KHDRBS2: variants seen among roughly 807,000 people sequenced by gnomAD.
The protein encoded by KHDRBS2 is KH RNA binding domain containing, signal transduction associated 2.
In KHDRBS2, 26 loss-of-function variants were observed where a neutral mutation model predicts 44.3. The ratio of observed to expected loss-of-function variants is 0.59; its 90% CI spans 0.43 to 0.81. The LOEUF is 0.81. KHDRBS2 is among the 40% of genes least tolerant of loss of function. The probability of loss-of-function intolerance (pLI) is 0.00; values close to 1 mark genes in which losing one functional copy is unlikely to be tolerated. For synonymous variants in KHDRBS2, 194 were observed against 151.1 expected (o/e 1.28, Z -2.08); for missense variants, 476 against 433.1 (o/e 1.10, Z -0.88).
In KHDRBS2 at chr6:61,741,077, C is replaced by G. The variant is rs998052774; in HGVS notation, c.811-8313G>C. Among the ~76,000 whole-genome samples, 3 of 151,832 alleles carry G rather than the reference C, an allele frequency of 2.0e-5. No individual in the cohort carries two copies. The South Asian group carries it at 6.2e-4, about 31-fold the overall frequency. The stretch of plus-strand genomic sequence containing the variant: ...GGAAGACCCCATTTAAAAAAATCAG[C>G]CTTGAATTTACCCAAAAGATATTAT... On this transcript the variant is annotated intron_variant, in intron 6 of 8. Coordinates refer to ENST00000281156, the MANE Select transcript of KHDRBS2 (RefSeq NM_152688.4).
At chr6:61,857,300 A>C (rs1443855327) in intron 6 of KHDRBS2, among the ~76,000 whole-genome samples, 5 of 152,102 alleles carry the variant, frequency 3.3e-5, no homozygotes, top group African/African-American at 9.6e-5. Flanking sequence ...AAAAGTTGAC[A>C]GGATGATTAA....
At position 62,177,224 on chromosome 6, in the gene KHDRBS2, G is replaced by A. The variant is rs1821313149; in HGVS notation, c.180C>T (p.Leu60=). ...TGACAGGAATCAGTACTCTTTCTGA[G>A]AGCTTTATGTTTTTGTTGCTGATGA... ...LDVISNKNIK[L]SERVLIPVKQ... is the part of the protein sequence containing the mutation. The change falls in exon 2 of 9, where the codon CTC becomes CTT. Residue 60 remains leucine (L), a synonymous_variant. Coordinates refer to ENST00000281156, the MANE Select transcript of KHDRBS2 (RefSeq NM_152688.4). 6.3e-7 allele frequency: 1 copy of A among 1,593,928 alleles called. No homozygotes were observed. Among genetic ancestry groups the A allele is most frequent in the Non-Finnish European group, 8.6e-7 (1 of 1,163,884 alleles).
intron 1 of KHDRBS2, among the ~76,000 whole-genome samples, chr6:62,228,867 T>A (rs1832383605): frequency 6.6e-6 from 1 of 152,244 alleles, no homozygotes; most frequent in South Asian, 2.1e-4. Context: ...AGCAAAGAGG[T>A]GTGCCGCTCC....
rs540043038 is a variant in KHDRBS2 at position 61,955,004 on chromosome 6, A to G, written c.483+23062T>C. 2.8e-5 allele frequency among the ~76,000 whole-genome samples: 4 copies of G among 144,156 alleles called. No individual in the cohort carries two copies. In the East Asian group the frequency reaches 8.6e-4, roughly 31 times the overall value. 94.6% of individuals were successfully genotyped at this position (144,156 alleles called of 152,430 possible). A position where few individuals can be genotyped will look rare whatever the true frequency, so the allele number is the denominator to read the frequency against. On this transcript the variant is annotated intron_variant, in intron 4 of 8. Transcript: ENST00000281156. The stretch of plus-strand genomic sequence containing the variant: ...TATGTGTATACATATATAGACATAC[A>G]TATGTATGTATACACACATACATAT...
At chr6:61,573,623 C>G in the KHDRBS2 span, among the ~76,000 whole-genome samples, 13 of 152,032 alleles carry the variant, frequency 8.6e-5, no homozygotes, top group Non-Finnish European at 1.8e-4. Flanking sequence ...AACCCTGTCT[C>G]TACTAAAAAT....
At chr6:61,617,007 T>C in the KHDRBS2 span, among the ~76,000 whole-genome samples, 4 of 152,166 alleles carry the variant, frequency 2.6e-5, no homozygotes, top group East Asian at 3.9e-4. Context: ...ATGTGGAACA[T>C]TGGAATGAGA....
chr6:62,049,174 G>A (rs1456086316), intron 2 of KHDRBS2, among the ~76,000 whole-genome samples: 2 of 151,714 alleles, frequency 1.3e-5, no homozygotes, highest in African/African-American at 4.8e-5. Context: ...ATGGTATAAT[G>A]CCCAAAAAGA....
intron 4 of KHDRBS2, among the ~76,000 whole-genome samples, chr6:61,918,872 G>A (rs1178423716): frequency 6.6e-6 from 1 of 151,950 alleles, no homozygotes; most frequent in Non-Finnish European, 1.5e-5. Context: ...TTGAGACTAA[G>A]TAAGCAAATT....
chr6:61,548,555 A>G, the KHDRBS2 span, among the ~76,000 whole-genome samples: 1 of 152,148 alleles, frequency 6.6e-6, no homozygotes, highest in African/African-American at 2.4e-5. Flanking sequence ...CCTTGCAGAT[A>G]ACATTATCCA....
chr6:62,062,254 A>T, intron 2 of KHDRBS2, among the ~76,000 whole-genome samples: 1 of 148,822 alleles, frequency 6.7e-6, no homozygotes, highest in Non-Finnish European at 1.5e-5. Context: ...CCAGGAATTG[A>T]ACTCAGCTCT....
At chr6:62,103,444 T>A (rs1802370335) in intron 2 of KHDRBS2, among the ~76,000 whole-genome samples, 1 of 152,176 alleles carries the variant, frequency 6.6e-6, no homozygotes, top group Non-Finnish European at 1.5e-5. Flanking sequence ...GTGCCTGGGC[T>A]TGGTCACAAT....
At chr6:61,788,940 G>A (rs1052367112) in intron 6 of KHDRBS2, among the ~76,000 whole-genome samples, 6 of 151,128 alleles carry the variant, frequency 4.0e-5, no homozygotes, top group Non-Finnish European at 7.4e-5. Flanking sequence ...GATACAATAG[G>A]CTGAAAGTGT....
chr6:62,048,279 T>C (rs1011800891), intron 2 of KHDRBS2, among the ~76,000 whole-genome samples: 2 of 151,896 alleles, frequency 1.3e-5, no homozygotes, highest in Admixed American at 1.3e-4. Context: ...ATCAAATGAA[T>C]CATTTATTAA....
chr6:62,257,272 TC>T (rs539497333), intron 1 of KHDRBS2, among the ~76,000 whole-genome samples: 27 of 152,192 alleles, frequency 1.8e-4, no homozygotes, highest in Non-Finnish European at 3.7e-4. Flanking sequence ...TATCATCAAC[TC>T]TATTAGTGGG....
chr6:61,574,086 G>A, the KHDRBS2 span, among the ~76,000 whole-genome samples: 3 of 152,102 alleles, frequency 2.0e-5, no homozygotes, highest in Non-Finnish European at 4.4e-5. Flanking sequence ...CAAGCCATAT[G>A]TAAAAAAATG....
At position 62,265,558 on chromosome 6, in the gene KHDRBS2, G is replaced by A. The variant is rs368901349; in HGVS notation, c.91+20300C>T. ...TAAAAAGTTAAAGCTAATTGAGGAA[G>A]GATTAAGAAAATGAATCAGCTAAGT... On this transcript the variant is annotated intron_variant, in intron 1 of 8. Transcript: ENST00000281156. 2.0e-3 allele frequency among the ~76,000 whole-genome samples: 307 copies of A among 152,068 alleles called. 10 individuals are homozygous for A. In the South Asian group the frequency reaches 0.06, roughly 30 times the overall value.
At chr6:62,227,146 A>G (rs879826537) in intron 1 of KHDRBS2, among the ~76,000 whole-genome samples, 1 of 152,182 alleles carries the variant, frequency 6.6e-6, no homozygotes, top group Admixed American at 6.5e-5. Context: ...GATTCTTCCT[A>G]TCCATAAGGA....
At chr6:61,974,813 C>T (rs1252773492) in intron 4 of KHDRBS2, among the ~76,000 whole-genome samples, 7 of 151,946 alleles carry the variant, frequency 4.6e-5, no homozygotes, top group Non-Finnish European at 1.0e-4. Flanking sequence ...TGCCTGTAAT[C>T]TCAGCTACTC....
intron 3 of KHDRBS2, among the ~76,000 whole-genome samples, chr6:61,990,706 C>CT (rs71770267): frequency 0.044 from 6,386 of 145,592 alleles, 152 homozygotes; most frequent in African/African-American, 0.059. Flanking sequence ...ATTGGATAAC[C>CT]TTTTTTTTTT....
Sources: gnomAD v4.1 joint callset for allele counts (sites outside exome capture counted in the v4.1 genomes callset) on GRCh38, gnomAD v4.1.1 for gene constraint, MANE v1.5 for transcripts, NCBI Gene and HGNC (gene_info 2026-07-23, HGNC 2026-07-21) for gene names.